SGMS1: variants seen among roughly 807,000 people sequenced by gnomAD.
The protein encoded by SGMS1 is phosphatidylcholine:ceramide cholinephosphotransferase 1.
In SGMS1, 13 loss-of-function variants were observed where a neutral mutation model predicts 46.2. The ratio of observed to expected loss-of-function variants is 0.28; its 90% CI spans 0.18 to 0.45. SGMS1 has a LOEUF of 0.45. Among genes scored for constraint, SGMS1 ranks in the 20% least tolerant of loss-of-function variants. The pLI is 1.00. For synonymous variants in SGMS1, 203 were observed against 187.8 expected, an observed-to-expected ratio of 1.08 and a Z score of -0.66; for missense variants, 324 against 519.9, an observed-to-expected ratio of 0.62 and a Z score of 3.66.
rs574560894 is a variant in SGMS1, at chr10:50,609,504, C to G, written c.-684+14203G>C. Among the ~76,000 whole-genome samples the G allele has an allele frequency of 1.4e-4, 20 of 147,520 alleles. 1 individual carries two copies. Among genetic ancestry groups the G allele is most frequent in the South Asian group, 1.3e-3 (6 of 4,598 alleles). ...GTACCTGGCCCATAGTAGGGCCCAA[C>G]CAGTACCTTCTCAATAGTTTTTTTT... is the stretch of plus-strand genomic sequence containing the variant. On this transcript the variant is annotated intron_variant, in intron 1 of 10. Transcript: ENST00000361781.
chr10:50,559,815 A>G (rs1221114250), intron 2 of SGMS1, among the ~76,000 whole-genome samples: 1 of 152,142 alleles, frequency 6.6e-6, no homozygotes, highest in African/African-American at 2.4e-5. Flanking sequence ...GTTTTTAAAA[A>G]CAAAATCCAT....
At chr10:50,527,701 C>G (rs994344490) in intron 2 of SGMS1, among the ~76,000 whole-genome samples, 4 of 152,128 alleles carry the variant, frequency 2.6e-5, no homozygotes, top group African/African-American at 7.2e-5. Flanking sequence ...GAAGAAAAGG[C>G]CTTTAACTAC....
At chr10:50,515,944 T>C (rs1475537807) in intron 3 of SGMS1, among the ~76,000 whole-genome samples, 1 of 152,204 alleles carries the variant, frequency 6.6e-6, no homozygotes, top group African/African-American at 2.4e-5. Context: ...GCTCGGCATT[T>C]CCTAGAAATG....
At chr10:50,486,045 C>T (rs1210844960) in intron 3 of SGMS1, among the ~76,000 whole-genome samples, 2 of 152,004 alleles carry the variant, frequency 1.3e-5, no homozygotes, top group Non-Finnish European at 2.9e-5. Flanking sequence ...TTTTGACAAA[C>T]CTGACAAAAA....
chr10:50,620,622 G>C (rs1003493493), intron 1 of SGMS1, among the ~76,000 whole-genome samples: 1 of 152,166 alleles, frequency 6.6e-6, no homozygotes, highest in Non-Finnish European at 1.5e-5. Context: ...ATCTTTAGGA[G>C]AAGAAGAAAT....
At chr10:50,550,264 T>C (rs1291705007) in intron 2 of SGMS1, among the ~76,000 whole-genome samples, 1 of 152,228 alleles carries the variant, frequency 6.6e-6, no homozygotes, top group South Asian at 2.1e-4. Context: ...TAAGAAGGAA[T>C]CTAATCTATG....
At chr10:50,359,800 G>A (rs1299643145) in intron 6 of SGMS1, among the ~76,000 whole-genome samples, 2 of 151,828 alleles carry the variant, frequency 1.3e-5, no homozygotes, top group African/African-American at 4.8e-5. Flanking sequence ...CATATCTATA[G>A]TAATACATAT....
chr10:50,379,286 GATAA>G (rs1403249877), intron 6 of SGMS1, among the ~76,000 whole-genome samples: 1 of 152,148 alleles, frequency 6.6e-6, no homozygotes, highest in African/African-American at 2.4e-5. Flanking sequence ...CTGTGGTTTG[GATAA>G]ATAAATTTGA....
intron 2 of SGMS1, among the ~76,000 whole-genome samples, chr10:50,554,747 G>A (rs990057894): frequency 1.3e-5 from 2 of 152,210 alleles, no homozygotes; most frequent in Admixed American, 1.3e-4. Context: ...TATAAATTAA[G>A]AAGTAAAAGT....
At chr10:50,530,148 T>G (rs1837940372) in intron 2 of SGMS1, among the ~76,000 whole-genome samples, 1 of 152,220 alleles carries the variant, frequency 6.6e-6, no homozygotes, top group Admixed American at 6.5e-5. Flanking sequence ...AACACATAAC[T>G]TAATTATTTT....
At chr10:50,555,064 G>A (rs188704508) in intron 2 of SGMS1, among the ~76,000 whole-genome samples, 54 of 152,282 alleles carry the variant, frequency 3.5e-4, no homozygotes, top group African/African-American at 1.2e-3. Context: ...ATGGGGTCAC[G>A]CCAGCAGGTG....
intron 2 of SGMS1, among the ~76,000 whole-genome samples, chr10:50,575,708 T>A (rs549245589): frequency 6.6e-6 from 1 of 152,044 alleles, no homozygotes; most frequent in Non-Finnish European, 1.5e-5. Context: ...TGTATACATA[T>A]GTCCAAACTC....
chr10:50,395,259 C>T lies in SGMS1; in HGVS notation c.-232+38217G>A, dbSNP rs546860323. On this transcript the variant is annotated intron_variant, in intron 6 of 10. Coordinates refer to ENST00000361781, the MANE Select transcript of SGMS1 (RefSeq NM_147156.4). ...AACTCATAGTAAAAATCAAATCACA[C>T]GAGTTGTTGGGATCCCTGTAATAAA... Among the ~76,000 whole-genome samples the T allele has an allele frequency of 4.6e-5, 7 of 152,210 alleles. No homozygotes were observed. The South Asian group carries it at 6.2e-4, about 14-fold the overall frequency.
At chr10:50,427,117 G>A (rs1015049185) in intron 6 of SGMS1, among the ~76,000 whole-genome samples, 1 of 152,116 alleles carries the variant, frequency 6.6e-6, no homozygotes, top group African/African-American at 2.4e-5. Flanking sequence ...AAGAACTTAC[G>A]GCCGGGCACA....
chr10:50,315,762 T>C (rs991280547), intron 8 of SGMS1, among the ~76,000 whole-genome samples: 6 of 152,208 alleles, frequency 3.9e-5, no homozygotes, highest in African/African-American at 1.2e-4. Context: ...CAGTGGATAC[T>C]ACAAAGCTGT....
At chr10:50,318,579 C>A (rs768892758) in intron 8 of SGMS1, among the ~76,000 whole-genome samples, 2 of 152,008 alleles carry the variant, frequency 1.3e-5, no homozygotes, top group African/African-American at 4.8e-5. Context: ...CCCTGCCGGA[C>A]GCTCACTGGT....
intron 1 of SGMS1, among the ~76,000 whole-genome samples, chr10:50,597,686 G>C (rs1413027804): frequency 2.0e-5 from 3 of 152,174 alleles, no homozygotes; most frequent in Non-Finnish European, 4.4e-5. Context: ...GCTGTTTGTA[G>C]TGGTGGTTGC....
rs552581753 is a variant in SGMS1, at chr10:50,354,510, C to G, written c.-231-10165G>C. ...ACCCTAGAAGAAAACCTAGGCAATA[C>G]CATTCAGGACACAGGCATGGGCAAG... On this transcript the variant is annotated intron_variant, in intron 6 of 10. Coordinates refer to ENST00000361781, the MANE Select transcript of SGMS1 (RefSeq NM_147156.4). Among the ~76,000 whole-genome samples the G allele has an allele frequency of 5.9e-5, 9 of 152,242 alleles. No homozygotes were observed. In the South Asian group the frequency reaches 1.9e-3, roughly 32 times the overall value.
intron 2 of SGMS1, among the ~76,000 whole-genome samples, chr10:50,547,197 T>C: frequency 6.6e-6 from 1 of 152,018 alleles, no homozygotes; most frequent in Non-Finnish European, 1.5e-5. Context: ...AGGAATTAAA[T>C]AACAAAAAAG....
Sources: allele counts gnomAD v4.1 joint callset (sites outside exome capture counted in the v4.1 genomes callset), GRCh38; gene constraint gnomAD v4.1.1; transcripts MANE v1.5; gene names NCBI Gene and HGNC (gene_info 2026-07-23, HGNC 2026-07-21).